The following MDN1 variants were observed in gnomAD, a reference collection of about 807,000 sequenced individuals.
MDN1 encodes the protein midasin AAA ATPase 1.
A neutral mutation model predicts 669.2 loss-of-function variants in MDN1; 266 were observed. The ratio of observed to expected loss-of-function variants is 0.40; its 90% confidence interval spans 0.36 to 0.44. The LOEUF (loss-of-function observed/expected upper bound fraction) is 0.44. MDN1 is among the 20% of genes least tolerant of loss of function. The pLI, the probability that MDN1 is intolerant of heterozygous loss-of-function variation, is 1.00. For synonymous variants in MDN1, 2,385 were observed against 2,457.1 expected, an observed-to-expected ratio of 0.97 and a Z score of 0.87; for missense variants, 5,940 against 6,754.0, an observed-to-expected ratio of 0.88 and a Z score of 4.22.
intron 1 of MDN1, among the ~76,000 whole-genome samples, chr6:89,812,333 C>T (rs1044885637): frequency 6.6e-6 from 1 of 151,912 alleles, no homozygotes; most frequent in African/African-American, 2.4e-5. Flanking sequence ...ACCTATAATC[C>T]CAGCACTTTG....
chr6:89,812,111 G>A (rs575688806), intron 1 of MDN1, among the ~76,000 whole-genome samples: 53 of 151,268 alleles, frequency 3.5e-4, no homozygotes, highest in Admixed American at 6.6e-4. Flanking sequence ...TCAGCCTCCC[G>A]AGTAGCTGGG....
intron 1 of MDN1, chr6:89,815,535 G>A (rs1202238639): frequency 4.1e-6 from 1 of 244,870 alleles, no homozygotes; most frequent in African/African-American, 2.3e-5. Flanking sequence ...GACTAGCAAG[G>A]AGCCCAGAGC....
intron 22 of MDN1, among the ~76,000 whole-genome samples, chr6:89,752,234 G>A (rs1419340773): frequency 2.0e-5 from 3 of 152,132 alleles, no homozygotes; most frequent in African/African-American, 7.2e-5. Flanking sequence ...GGCCTCCTCA[G>A]TTGAGTTGAG....
At chr6:89,815,574 T>C in intron 1 of MDN1, 1 of 181,462 alleles carries the variant, frequency 5.5e-6, no homozygotes, top group South Asian at 9.8e-5. Context: ...TCTGGACCCA[T>C]CAGTGACTGC....
chr6:89,701,414 C>A, intron 55 of MDN1, 144 bp downstream of exon 55: 1 of 1,052,756 alleles, frequency 9.5e-7, no homozygotes, highest in Non-Finnish European at 1.4e-6. Context: ...TGGAACCAAT[C>A]ACCCCCAGAT....
chr6:89,736,440 A>T (rs934853773), intron 33 of MDN1, among the ~76,000 whole-genome samples: 2 of 152,220 alleles, frequency 1.3e-5, no homozygotes, highest in Non-Finnish European at 2.9e-5. Context: ...TAACTTCCTG[A>T]AGGAATCCAG....
At chr6:89,743,451 A>T (rs1008526590) in intron 30 of MDN1, 125 bp downstream of exon 30, 1 of 1,352,992 alleles carries the variant, frequency 7.4e-7, no homozygotes, top group Admixed American at 2.1e-5. Flanking sequence ...CTTGTAGACC[A>T]GAGAAAATCT....
intron 1 of MDN1, among the ~76,000 whole-genome samples, chr6:89,807,237 C>CT (rs1410024343): frequency 6.6e-6 from 1 of 152,254 alleles, no homozygotes; most frequent in East Asian, 1.9e-4. Flanking sequence ...CAGGCACACA[C>CT]TACCATGCCT....
At position 89,706,142 on chromosome 6, in the gene MDN1, C is replaced by A; in HGVS notation, c.8065G>T (p.Ala2689Ser). The change falls in exon 53 of 102, where the codon GCT becomes TCT. Residue 2689 changes from alanine to serine, a missense_variant. Ala to Ser is a moderately conservative substitution (Grantham distance 99). Around this residue, in one of 5 missense-constraint regions of MDN1, gnomAD observed 2,292 missense variants for 2,638.3 expected, o/e 0.87. Transcript: ENST00000369393. ...LPHEIVVNLA[A>S]FFELCDALVL... The stretch of plus-strand genomic sequence containing the variant: ...AGTGCATCACAAAGTTCAAAAAAAG[C>A]AGCAAGATTGACCACAATTTCATGG... The A allele has an allele frequency of 6.2e-7, 1 of 1,613,410 alleles. No individual in the cohort carries two copies. The highest frequency in any genetic ancestry group is 1.1e-5 in the South Asian group (1 of 90,958).
At chr6:89,772,544 G>C (rs555650556) in intron 14 of MDN1, 29 bp downstream of exon 14, 4 of 1,600,812 alleles carry the variant, frequency 2.5e-6, no homozygotes, top group Admixed American at 1.7e-5. Context: ...GAAATATCTG[G>C]GGGCAGATTT....
At chr6:89,709,837 C>G (rs16882078) in intron 50 of MDN1, among the ~76,000 whole-genome samples, 10,020 of 152,252 alleles carry the variant, frequency 0.066, 537 homozygotes, top group East Asian at 0.22. Context: ...ATCTTGAATA[C>G]TTCCTTTGAT....
chr6:89,700,797 G>T lies in MDN1; in HGVS notation c.8487C>A (p.Ile2829=). The part of the protein sequence containing the change: ...QLKVLNKVLA[I]REQMSALGES... The stretch of plus-strand genomic sequence containing the variant: ...CCCCAAGGGCAGACATCTGCTCCCT[G>T]ATGGCAAGGACTTTGTTAAGGACCT... Residue 2829 remains isoleucine (I), a synonymous_variant, in exon 56 of 102, where the codon ATC becomes ATA. Transcript: ENST00000369393. 1 of 1,614,180 alleles carries T rather than the reference G, an allele frequency of 6.2e-7. No homozygotes were observed. The highest frequency in any genetic ancestry group is 1.7e-5 in the Admixed American group (1 of 60,028).
At chr6:89,799,701 G>T (rs1006020349) in intron 2 of MDN1, among the ~76,000 whole-genome samples, 9 of 152,082 alleles carry the variant, frequency 5.9e-5, no homozygotes, top group Non-Finnish European at 7.4e-5. Context: ...AAAAAGAAAA[G>T]AAATAGTAAA....
intron 21 of MDN1, 60 bp downstream of exon 21, chr6:89,754,023 C>T: frequency 6.5e-7 from 1 of 1,549,930 alleles, no homozygotes; most frequent in Non-Finnish European, 8.7e-7. Context: ...ATCCCTATTC[C>T]TTCCTTCCCA....
At chr6:89,778,082 C>T (rs1230017102) in intron 11 of MDN1, among the ~76,000 whole-genome samples, 1 of 152,042 alleles carries the variant, frequency 6.6e-6, no homozygotes, top group Non-Finnish European at 1.5e-5. Flanking sequence ...GCAAGGTGAA[C>T]CTGTTGGGCC....
At position 89,696,408 on chromosome 6, in the gene MDN1, C is replaced by G; in HGVS notation, c.9335G>C (p.Ser3112Thr). 3.1e-6 allele frequency: 5 copies of G among 1,614,178 alleles called. No individual in the cohort carries two copies. Among genetic ancestry groups the G allele is most frequent in the South Asian group, 2.2e-5 (2 of 91,082 alleles). Residue 3112 changes from serine to threonine, a missense_variant, in exon 60 of 102, where the codon AGT becomes ACT. Around this residue, in one of 5 missense-constraint regions of MDN1, gnomAD observed 2,292 missense variants for 2,638.3 expected, o/e 0.87. Coordinates refer to ENST00000369393, the MANE Select transcript of MDN1 (RefSeq NM_014611.3). ...AGCCATGTTAGTCCAAAGCATCGAA[C>G]TGATGTCCTGGAGCTGCTGAGTTCT... is the stretch of plus-strand genomic sequence containing the variant. ...VERTQQLQDI[S>T]SMLWTNMAIS... is the part of the protein sequence containing the mutation.
chr6:89,686,069 C>T, intron 69 of MDN1, 96 bp from the exon 70 acceptor site: 1 of 1,207,174 alleles, frequency 8.3e-7, no homozygotes, highest in Non-Finnish European at 1.2e-6. Context: ...TACGGATGGC[C>T]AAGAGGTAGA....
chr6:89,761,853 A>C (rs1244769968), intron 16 of MDN1, 105 bp from the exon 17 acceptor site: 3 of 801,440 alleles, frequency 3.7e-6, no homozygotes, highest in African/African-American at 3.5e-5. Context: ...TAAGCATCTT[A>C]CACAAAACAC....
At chr6:89,745,134 T>TAAAAAAA (rs60588845) in intron 29 of MDN1, 139 bp downstream of exon 29, 47 of 282,976 alleles carry the variant, frequency 1.7e-4, no homozygotes, top group Middle Eastern at 1.2e-3. Flanking sequence ...AGTCTCTTCT[T>TAAAAAAA]AAAAAAAAAA....
Sources: allele counts gnomAD v4.1 joint callset (sites outside exome capture counted in the v4.1 genomes callset), GRCh38; gene constraint gnomAD v4.1.1; regional missense constraint gnomAD v4.1.1; transcripts MANE v1.5; gene names NCBI Gene and HGNC (gene_info 2026-07-23, HGNC 2026-07-21).